THSD7B: variants seen among roughly 807,000 people sequenced by gnomAD.
THSD7B encodes the protein thrombospondin type-1 domain-containing protein 7B.
THSD7B carries 138 observed loss-of-function variants against 213.6 expected under a neutral mutation model. The ratio of observed to expected loss-of-function variants is 0.65; its 90% CI spans 0.56 to 0.74. THSD7B has a LOEUF of 0.74. Among genes scored for constraint, THSD7B ranks in the 30% least tolerant of loss-of-function variants. THSD7B has a pLI of 0.00. For synonymous variants in THSD7B, 742 were observed against 687.0 expected, an observed-to-expected ratio of 1.08 and a Z score of -1.25; for missense variants, 1,931 against 1,991.5, an observed-to-expected ratio of 0.97 and a Z score of 0.58.
At chr2:137,251,241 T>C (rs1682168360) in intron 10 of THSD7B, among the ~76,000 whole-genome samples, 1 of 152,200 alleles carries the variant, frequency 6.6e-6, no homozygotes. Flanking sequence ...TGCAAGAACA[T>C]ATGTGACGAC....
At chr2:137,103,677 A>T (rs916972535) in intron 4 of THSD7B, among the ~76,000 whole-genome samples, 16 of 152,086 alleles carry the variant, frequency 1.1e-4, no homozygotes, top group Non-Finnish European at 1.9e-4. Flanking sequence ...AAATAAAGGG[A>T]TGGAGGAATA....
intron 3 of THSD7B, among the ~76,000 whole-genome samples, chr2:137,089,627 A>G (rs1332781123): frequency 6.6e-6 from 1 of 151,980 alleles, no homozygotes; most frequent in Non-Finnish European, 1.5e-5. Flanking sequence ...CAAAGGCATA[A>G]GAATGACACA....
At chr2:137,655,777 T>C in intron 22 of THSD7B, 117 bp downstream of exon 22, 1 of 1,245,540 alleles carries the variant, frequency 8.0e-7, no homozygotes, top group East Asian at 2.6e-5. Flanking sequence ...TAACTTTAAT[T>C]CATTTTTAAT....
chr2:136,976,090 G>A (rs1484847739), intron 2 of THSD7B, among the ~76,000 whole-genome samples: 1 of 152,104 alleles, frequency 6.6e-6, no homozygotes. Context: ...TGAGACGATG[G>A]GGTTTTCTAG....
At chr2:137,068,859 G>A (rs1430657390) in intron 3 of THSD7B, among the ~76,000 whole-genome samples, 1 of 151,998 alleles carries the variant, frequency 6.6e-6, no homozygotes, top group Non-Finnish European at 1.5e-5. Context: ...GGAAGAGCTT[G>A]TCTTTACTTC....
intron 12 of THSD7B, among the ~76,000 whole-genome samples, chr2:137,405,199 A>T (rs1573606378): frequency 1.1e-3 from 3 of 2,836 alleles, no homozygotes; most frequent in African/African-American, 1.3e-3. Flanking sequence ...CTAAACAAGC[A>T]AAAAAAAAAA....
Position 137,095,106 on chromosome 2 carries a change from T to G in THSD7B, c.1184T>G (p.Leu395Arg), listed in dbSNP as rs2104919044. 6.2e-7 allele frequency: 1 copy of G among 1,613,860 alleles called. No individual in the cohort carries two copies. Among genetic ancestry groups the G allele is most frequent in the South Asian group, 1.1e-5 (1 of 91,086 alleles). The change falls in exon 4 of 28, where the codon CTG becomes CGG. Residue 395 changes from leucine (L) to arginine (R), a missense_variant. By Grantham distance (102) the Leu-to-Arg change is moderately radical (BLOSUM62 -2). Coordinates refer to ENST00000409968, the MANE Select transcript of THSD7B (RefSeq NM_001316349.2). The part of the protein sequence containing the change: ...KEACIVEGEL[L>R]QQCPRYSWRT... ...GCCTGCATTGTTGAAGGAGAACTTC[T>G]GCAGCAATGTCCCAGGTATTACGCC... is the stretch of plus-strand genomic sequence containing the variant.
intron 25 of THSD7B, among the ~76,000 whole-genome samples, chr2:137,661,305 A>G (rs12994131): frequency 0.23 from 34,664 of 151,956 alleles, 4,780 homozygotes; most frequent in South Asian, 0.3. Flanking sequence ...ACAGACTAAT[A>G]TAAAAGACCC....
At chr2:136,960,285 G>A (rs1685194349) in intron 2 of THSD7B, among the ~76,000 whole-genome samples, 1 of 152,066 alleles carries the variant, frequency 6.6e-6, no homozygotes, top group Middle Eastern at 3.2e-3. Flanking sequence ...GCGCCACCAT[G>A]TCCAGCCAGT....
chr2:137,309,594 G>T (rs1558751806), intron 12 of THSD7B, among the ~76,000 whole-genome samples: 1 of 151,964 alleles, frequency 6.6e-6, no homozygotes, highest in Admixed American at 6.6e-5. Context: ...TCATGCTGGT[G>T]CGCTGCACCC....
rs369927017 is a variant in THSD7B at position 137,120,006 on chromosome 2, A to G, written c.1369+4713A>G. 4.6e-5 allele frequency among the ~76,000 whole-genome samples: 7 copies of G among 152,300 alleles called. No individual in the cohort carries two copies. The East Asian group carries it at 1.4e-3, about 29-fold the overall frequency. On this transcript the variant is annotated intron_variant, in intron 5 of 27. Transcript: ENST00000409968. Reference sequence around the variant, plus strand: ...CATTTGGGTGTGAGAATAAGGTGTCAGGAAAGTAGTACACTAAGAACTTCC... The same window carrying G: ...CATTTGGGTGTGAGAATAAGGTGTCGGGAAAGTAGTACACTAAGAACTTCC...
At chr2:137,235,743 A>G (rs562715125) in intron 9 of THSD7B, among the ~76,000 whole-genome samples, 25 of 152,308 alleles carry the variant, frequency 1.6e-4, no homozygotes, top group African/African-American at 5.5e-4. Context: ...AGACTAAAAT[A>G]TTATTATTAC....
chr2:137,579,612 A>G (rs1188949338), intron 17 of THSD7B, among the ~76,000 whole-genome samples: 1 of 152,282 alleles, frequency 6.6e-6, no homozygotes, highest in East Asian at 1.9e-4. Context: ...TGACAGATGC[A>G]CTTTCAATTA....
At chr2:137,042,605 G>C (rs1337335457) in intron 2 of THSD7B, among the ~76,000 whole-genome samples, 1 of 152,204 alleles carries the variant, frequency 6.6e-6, no homozygotes, top group Admixed American at 6.5e-5. Flanking sequence ...TAAACTCAGA[G>C]GGTACAGTGG....
At chr2:136,962,403 CTTTT>C (rs71400559) in intron 2 of THSD7B, among the ~76,000 whole-genome samples, 17 of 100,170 alleles carry the variant, frequency 1.7e-4, no homozygotes, top group Admixed American at 4.9e-4. Context: ...AATCTGTTAT[CTTTT>C]TTTTTTTTTT....
chr2:137,353,040 A>C (rs1480361883), intron 12 of THSD7B, among the ~76,000 whole-genome samples: 1 of 151,998 alleles, frequency 6.6e-6, no homozygotes, highest in Non-Finnish European at 1.5e-5. Context: ...AGAGTTAGCC[A>C]TAAAGGAGAC....
At chr2:137,047,078 G>A (rs1686984674) in intron 2 of THSD7B, among the ~76,000 whole-genome samples, 1 of 152,204 alleles carries the variant, frequency 6.6e-6, no homozygotes. Context: ...GACCACAATA[G>A]GGAAAAGGAA....
At chr2:137,093,581 T>C (rs1366430421) in intron 3 of THSD7B, among the ~76,000 whole-genome samples, 1 of 152,208 alleles carries the variant, frequency 6.6e-6, no homozygotes, top group Non-Finnish European at 1.5e-5. Context: ...CGTTTTACTT[T>C]AGAATAGTGT....
In THSD7B at chr2:137,246,223, T is replaced by G. The variant is rs537259924; in HGVS notation, c.2266+3651T>G. Among the ~76,000 whole-genome samples, 52 of 152,084 alleles carry G rather than the reference T, an allele frequency of 3.4e-4. 1 individual carries two copies. The highest frequency in any genetic ancestry group is 2.7e-3 in the Admixed American group (42 of 15,290). On this transcript the variant is annotated intron_variant, in intron 10 of 27. Transcript: ENST00000409968. ...CGACTAATGAAGACAGAAGAACTCC[T>G]TTTTTTGTTTTGTGGCTATGGCTTC... is the stretch of plus-strand genomic sequence containing the variant.
Sources: allele counts gnomAD v4.1 joint callset (sites outside exome capture counted in the v4.1 genomes callset), GRCh38; gene constraint gnomAD v4.1.1; transcripts MANE v1.5; gene names NCBI Gene and HGNC (gene_info 2026-07-23, HGNC 2026-07-21).